DDX10: variants seen among roughly 807,000 people sequenced by gnomAD.
The protein encoded by DDX10 is DEAD-box helicase 10.
Under a neutral mutation model 104.3 loss-of-function variants are expected in DDX10, and 74 were observed. The observed-to-expected ratio is 0.71, with a 90% CI of 0.59 to 0.86. The LOEUF is 0.86. DDX10 is among the 40% of genes least tolerant of loss of function. The pLI is 0.00. For synonymous variants in DDX10, 351 were observed against 353.4 expected (o/e 0.99, Z 0.08); for missense variants, 952 against 1,040.0 (o/e 0.92, Z 1.16).
At chr11:108,785,123 T>C (rs140203506) in intron 13 of DDX10, among the ~76,000 whole-genome samples, 1 of 152,314 alleles carries the variant, frequency 6.6e-6, no homozygotes, top group Non-Finnish European at 1.5e-5. Context: ...TTGGGTAATG[T>C]CATCACAAAT....
chr11:108,840,616 G>T (rs980763520), intron 14 of DDX10, among the ~76,000 whole-genome samples: 13 of 152,134 alleles, frequency 8.5e-5, no homozygotes, highest in Non-Finnish European at 1.6e-4. Flanking sequence ...CATCTTCTAG[G>T]TCACCTTGTT....
chr11:108,719,976 C>T, intron 12 of DDX10, 91 bp downstream of exon 12: 1 of 838,076 alleles, frequency 1.2e-6, no homozygotes, highest in Non-Finnish European at 2.0e-6. Context: ...GCTATGTTGC[C>T]CAGGCTGTCT....
intron 14 of DDX10, 136 bp from the exon 15 acceptor site, chr11:108,841,179 A>G: frequency 2.9e-6 from 2 of 682,562 alleles, no homozygotes; most frequent in East Asian, 5.5e-5. Context: ...AGTTGATTAG[A>G]AGATTAAATA....
rs139659322 is a variant in DDX10 at position 108,786,471 on chromosome 11, G to A, written c.1966-51975G>A. On this transcript the variant is annotated intron_variant, in intron 13 of 17. Transcript: ENST00000322536. Reference sequence around the variant, plus strand: ...TGTTGAACTCTCCCACTACTATTGTGTAATAATGGCGGTGTAAGTGTTTTC... The same window carrying A: ...TGTTGAACTCTCCCACTACTATTGTATAATAATGGCGGTGTAAGTGTTTTC... 2.6e-5 allele frequency among the ~76,000 whole-genome samples: 4 copies of A among 151,550 alleles called. No individual in the cohort carries two copies. In the East Asian group the frequency reaches 7.7e-4, roughly 29 times the overall value.
rs1377797790 is a variant in DDX10, at chr11:108,677,136, G to T, written c.430G>T (p.Val144Phe). The change falls in exon 4 of 18, where the codon GTT becomes TTT. Residue 144 changes from valine (V) to phenylalanine (F), a missense_variant. This residue lies in a region of DDX10 where 412 missense variants were observed against 479.2 expected (regional missense o/e 0.86). Transcript: ENST00000322536. Reference protein sequence around the residue: ...LQWTSTDGLGVLIISPTRELA... With the variant: ...LQWTSTDGLGFLIISPTRELA... ...ATGGACTTCAACAGATGGGCTGGGG[G>T]TTCTCATAATATCACCTACGAGAGA... 1.9e-6 allele frequency: 3 copies of T among 1,613,572 alleles called. No individual in the cohort carries two copies. Among genetic ancestry groups the T allele is most frequent in the South Asian group, 1.1e-5 (1 of 91,044 alleles).
intron 12 of DDX10, among the ~76,000 whole-genome samples, chr11:108,720,101 A>T (rs2094296455): frequency 6.6e-6 from 1 of 152,196 alleles, no homozygotes; most frequent in African/African-American, 2.4e-5. Flanking sequence ...GTTCTCTGAG[A>T]TTCTTAGTTT....
rs529664760 is a variant in DDX10, at chr11:108,879,975, C to T, written c.2304+27766C>T. ...AATTGCTAGTAACTAAAGGCAATTT[C>T]CTAACTTTTGGATCCTTGAAGACTA... On this transcript the variant is annotated intron_variant, in intron 16 of 17. Coordinates refer to ENST00000322536, the MANE Select transcript of DDX10 (RefSeq NM_004398.4). Among the ~76,000 whole-genome samples, 224 of 152,266 alleles carry T rather than the reference C, an allele frequency of 1.5e-3. 4 individuals carry two copies. The Middle Eastern group carries it at 0.031, about 21-fold the overall frequency.
chr11:108,691,514 A>G (rs2094252465), intron 7 of DDX10, among the ~76,000 whole-genome samples: 1 of 152,194 alleles, frequency 6.6e-6, no homozygotes, highest in Non-Finnish European at 1.5e-5. Context: ...TCAGTTCTGT[A>G]TTACTAATTA....
chr11:108,681,786 T>C (rs1333075725), intron 6 of DDX10, among the ~76,000 whole-genome samples: 1 of 152,220 alleles, frequency 6.6e-6, no homozygotes, highest in Non-Finnish European at 1.5e-5. Context: ...TTGAATTCTA[T>C]GGTGGATTAT....
intron 13 of DDX10, among the ~76,000 whole-genome samples, chr11:108,816,447 C>G (rs1862256265): frequency 6.6e-6 from 1 of 152,138 alleles, no homozygotes; most frequent in South Asian, 2.1e-4. Flanking sequence ...CAGATCTACC[C>G]CTTTAAGGAG....
chr11:108,925,847 A>G (rs998897707), intron 17 of DDX10, among the ~76,000 whole-genome samples: 2 of 152,200 alleles, frequency 1.3e-5, no homozygotes, highest in Non-Finnish European at 2.9e-5. Context: ...TGTTGTAATT[A>G]TAAGTGATGT....
At position 108,678,311 on chromosome 11, in the gene DDX10, T is replaced by C; in HGVS notation, c.538-4T>C. The C allele has an allele frequency of 6.2e-7, 1 of 1,606,982 alleles. No individual in the cohort carries two copies. Among genetic ancestry groups the C allele is most frequent in the South Asian group, 1.1e-5 (1 of 89,404 alleles). The stretch of plus-strand genomic sequence containing the variant: ...GTGTAATCAAAATAAATAACTGTTT[T>C]CAGGATCTAAAACACGAAGCTGAGA... On this transcript the variant is annotated splice_region_variant and splice_polypyrimidine_tract_variant and intron_variant, in intron 4 of 17. Transcript: ENST00000322536.
intron 17 of DDX10, among the ~76,000 whole-genome samples, chr11:108,937,191 G>A (rs1386343740): frequency 6.6e-6 from 1 of 152,174 alleles, no homozygotes; most frequent in Non-Finnish European, 1.5e-5. Context: ...CCGATCTCGC[G>A]AGTGAGGGCC....
At chr11:108,747,996 C>T (rs553616629) in intron 13 of DDX10, among the ~76,000 whole-genome samples, 18 of 151,922 alleles carry the variant, frequency 1.2e-4, no homozygotes, top group Non-Finnish European at 2.1e-4. Context: ...GTAAAATAAG[C>T]TAATAGACTG....
intron 13 of DDX10, among the ~76,000 whole-genome samples, chr11:108,731,160 C>A (rs1171386386): frequency 1.3e-5 from 2 of 151,370 alleles, no homozygotes; most frequent in Non-Finnish European, 2.9e-5. Context: ...AAGTGATTAT[C>A]CTGCCTCAGC....
At chr11:108,674,554 AG>A (rs1283351141) in intron 2 of DDX10, among the ~76,000 whole-genome samples, 1 of 151,524 alleles carries the variant, frequency 6.6e-6, no homozygotes, top group African/African-American at 2.4e-5. Context: ...TCCGTCACCC[AG>A]GGTGCAGTGC....
chr11:108,687,499 T>C (rs2094246011), intron 6 of DDX10, among the ~76,000 whole-genome samples: 1 of 152,128 alleles, frequency 6.6e-6, no homozygotes, highest in Non-Finnish European at 1.5e-5. Context: ...TTTGTAGAGA[T>C]GGGGTTTCAC....
At chr11:108,938,068 A>G (rs953694427) in intron 17 of DDX10, among the ~76,000 whole-genome samples, 4 of 152,186 alleles carry the variant, frequency 2.6e-5, no homozygotes, top group African/African-American at 9.7e-5. Flanking sequence ...CCCTCGGCTT[A>G]GTGGAGAACA....
chr11:108,857,284 A>G (rs1862883075), intron 16 of DDX10, among the ~76,000 whole-genome samples: 1 of 152,220 alleles, frequency 6.6e-6, no homozygotes, highest in South Asian at 2.1e-4. Context: ...TAGTAAGGAA[A>G]GAACTCTGGG....
Sources: allele counts gnomAD v4.1 joint callset (sites outside exome capture counted in the v4.1 genomes callset), GRCh38; gene constraint gnomAD v4.1.1; regional missense constraint gnomAD v4.1.1; transcripts MANE v1.5; gene names NCBI Gene and HGNC (gene_info 2026-07-23, HGNC 2026-07-21).